The following WDPCP variants were observed in gnomAD, a reference collection of about 807,000 sequenced individuals.
The protein encoded by WDPCP is WD repeat-containing and planar cell polarity effector protein fritz homolog.
A neutral mutation model predicts 93.1 loss-of-function variants in WDPCP; 71 were observed. The observed-to-expected ratio is 0.76, with a 90% confidence interval of 0.63 to 0.93. The LOEUF (loss-of-function observed/expected upper bound fraction) is 0.93, where lower values mean the gene tolerates loss of function less well. WDPCP is among the 40% of genes least tolerant of loss of function. The pLI, the probability that WDPCP is intolerant of heterozygous loss-of-function variation, is 0.00. For synonymous variants in WDPCP, 315 were observed against 315.0 expected, an observed-to-expected ratio of 1.00 and a Z score of 0.00; for missense variants, 844 against 887.4, an observed-to-expected ratio of 0.95 and a Z score of 0.62.
At chr2:63,193,665 C>T (rs1675206336) in intron 14 of WDPCP, among the ~76,000 whole-genome samples, 1 of 152,040 alleles carries the variant, frequency 6.6e-6, no homozygotes, top group South Asian at 2.1e-4. Context: ...TTTTAAATTA[C>T]TTTTGTAGAT....
the WDPCP span, among the ~76,000 whole-genome samples, chr2:63,839,638 C>G: frequency 6.6e-6 from 1 of 152,234 alleles, no homozygotes; most frequent in African/African-American, 2.4e-5. Context: ...AGTAACCCTA[C>G]GTGGCCCAAA....
At chr2:63,160,638 A>C (rs548289346) in intron 15 of WDPCP, among the ~76,000 whole-genome samples, 1 of 152,338 alleles carries the variant, frequency 6.6e-6, no homozygotes, top group South Asian at 2.1e-4. Flanking sequence ...CTGCCTTTCG[A>C]GGTAACTGAA....
At chr2:63,253,933 A>G (rs1559250309) in intron 14 of WDPCP, among the ~76,000 whole-genome samples, 1 of 152,192 alleles carries the variant, frequency 6.6e-6, no homozygotes. Context: ...ATGCACTTGT[A>G]TGTTCATCAC....
At chr2:63,317,619 C>A (rs978008089) in intron 12 of WDPCP, among the ~76,000 whole-genome samples, 3 of 152,076 alleles carry the variant, frequency 2.0e-5, no homozygotes, top group African/African-American at 7.2e-5. Context: ...ACACCTGCAA[C>A]CAACCATCTG....
chr2:63,350,089 C>T (rs1243611801), intron 12 of WDPCP, among the ~76,000 whole-genome samples: 3 of 152,156 alleles, frequency 2.0e-5, no homozygotes, highest in Admixed American at 1.3e-4. Context: ...GGCACATATA[C>T]ACCATGGAAT....
At chr2:63,823,662 A>C (rs1483040224) in intron 1 of WDPCP, among the ~76,000 whole-genome samples, 2 of 152,136 alleles carry the variant, frequency 1.3e-5, no homozygotes, top group Non-Finnish European at 2.9e-5. Context: ...AACATCATAG[A>C]CATCATCACA....
At chr2:63,289,877 T>C (rs1160543391) in intron 13 of WDPCP, among the ~76,000 whole-genome samples, 8 of 152,030 alleles carry the variant, frequency 5.3e-5, no homozygotes. Flanking sequence ...CTTTCTTTGT[T>C]TTTGAAGTCA....
intron 1 of WDPCP, among the ~76,000 whole-genome samples, chr2:63,508,308 A>G (rs1702014291): frequency 6.6e-6 from 1 of 152,220 alleles, no homozygotes; most frequent in Non-Finnish European, 1.5e-5. Context: ...AGAATTTTCA[A>G]CCCAGAATTT....
intron 1 of WDPCP, among the ~76,000 whole-genome samples, chr2:63,516,678 A>G (rs1374545605): frequency 3.3e-5 from 5 of 152,166 alleles, no homozygotes; most frequent in Admixed American, 2.6e-4. Flanking sequence ...CAGCATTCAG[A>G]TGACTGCCAC....
At chr2:63,288,927 T>C (rs920506263) in intron 13 of WDPCP, among the ~76,000 whole-genome samples, 2 of 152,118 alleles carry the variant, frequency 1.3e-5, no homozygotes, top group African/African-American at 4.8e-5. Context: ...TCCCCATGAC[T>C]AGATTTGGGT....
At chr2:63,255,137 G>A in intron 14 of WDPCP, among the ~76,000 whole-genome samples, 2 of 152,186 alleles carry the variant, frequency 1.3e-5, no homozygotes, top group South Asian at 4.2e-4. Context: ...TTATTAATAT[G>A]AATAAAAGGT....
chr2:63,414,598 CTA>C (rs1201363978), intron 9 of WDPCP, among the ~76,000 whole-genome samples: 10 of 152,068 alleles, frequency 6.6e-5, no homozygotes, highest in African/African-American at 1.7e-4. Flanking sequence ...AGATTGGAGA[CTA>C]TTATTCTAAG....
At chr2:63,627,599 G>A (rs1709823129) in intron 3 of WDPCP, among the ~76,000 whole-genome samples, 1 of 152,156 alleles carries the variant, frequency 6.6e-6, no homozygotes, top group Non-Finnish European at 1.5e-5. Flanking sequence ...GCAGATAAAG[G>A]GAAAAGAGAA....
intron 1 of WDPCP, among the ~76,000 whole-genome samples, chr2:63,521,133 C>G (rs1016062003): frequency 2.0e-5 from 3 of 152,182 alleles, no homozygotes; most frequent in African/African-American, 7.2e-5. Flanking sequence ...ACCAGTGATA[C>G]TATAAGGCAA....
rs766935204 is a variant in WDPCP at position 63,437,402 on chromosome 2, T to C, written c.633+19A>G. 18 of 1,570,948 alleles carry C rather than the reference T, an allele frequency of 1.1e-5. No individual in the cohort carries two copies. The highest frequency in any genetic ancestry group is 4.4e-4 in the Middle Eastern group (2 of 4,502). On this transcript the variant is annotated intron_variant, in intron 8 of 17. Coordinates refer to ENST00000272321, the MANE Select transcript of WDPCP (RefSeq NM_015910.7). ...ACCTTAATAATTAATAATATGACTA[T>C]ATAAATCAAAATCTCTACCTTATAA...
At chr2:63,503,494 AG>A (rs1006815503) in intron 1 of WDPCP, among the ~76,000 whole-genome samples, 45 of 152,240 alleles carry the variant, frequency 3.0e-4, no homozygotes, top group African/African-American at 8.7e-4. Context: ...TGCCTGCATA[AG>A]CAAATAATAA....
chr2:63,124,629 T>C (rs1388656713), intron 17 of WDPCP, among the ~76,000 whole-genome samples: 3 of 152,194 alleles, frequency 2.0e-5, no homozygotes, highest in Non-Finnish European at 4.4e-5. Flanking sequence ...TCTCAGTTTA[T>C]TATGTTAGGT....
At chr2:63,262,534 T>C (rs935984123) in intron 13 of WDPCP, among the ~76,000 whole-genome samples, 4 of 60,204 alleles carry the variant, frequency 6.6e-5, no homozygotes, top group Non-Finnish European at 1.2e-4. Context: ...TACAACCATA[T>C]AAGCCAAAAA....
At chr2:63,502,545 T>C (rs1701621019) in intron 1 of WDPCP, among the ~76,000 whole-genome samples, 1 of 152,188 alleles carries the variant, frequency 6.6e-6, no homozygotes, top group Non-Finnish European at 1.5e-5. Context: ...AATTTTAAGT[T>C]TCATTTTTCC....
Sources: gnomAD v4.1 joint callset for allele counts (sites outside exome capture counted in the v4.1 genomes callset) on GRCh38, gnomAD v4.1.1 for gene constraint, MANE v1.5 for transcripts, NCBI Gene and HGNC (gene_info 2026-07-23, HGNC 2026-07-21) for gene names.